MGA: variants seen among roughly 807,000 people sequenced by gnomAD.
MGA encodes MAX dimerization protein MGA.
Under a neutral mutation model 261.1 loss-of-function variants are expected in MGA, and 40 were observed. The observed-to-expected ratio is 0.15, with a 90% confidence interval of 0.12 to 0.20. The LOEUF (loss-of-function observed/expected upper bound fraction) is 0.20. Ranked by LOEUF, MGA falls within the 10% of genes least tolerant of loss-of-function variation. The probability of loss-of-function intolerance (pLI) is 1.00; values close to 1 mark genes in which losing one functional copy is unlikely to be tolerated. For synonymous variants in MGA, 1,302 were observed against 1,290.6 expected (o/e 1.01, Z -0.19); for missense variants, 3,397 against 3,630.5 (o/e 0.94, Z 1.65).
intron 2 of MGA, among the ~76,000 whole-genome samples, chr15:41,693,570 C>A (rs978366207): frequency 2.2e-4 from 33 of 151,978 alleles, no homozygotes; most frequent in African/African-American, 7.5e-4. Flanking sequence ...TATGAAGACA[C>A]TGGGTTAGCA....
chr15:41,737,505 G>C (rs1247507556), intron 13 of MGA, among the ~76,000 whole-genome samples: 1 of 151,976 alleles, frequency 6.6e-6, no homozygotes, highest in East Asian at 1.9e-4. Flanking sequence ...TAAAAATTCA[G>C]CCATATTTAC....
At chr15:41,745,234 T>G (rs1381754576) in intron 15 of MGA, among the ~76,000 whole-genome samples, 1 of 134,796 alleles carries the variant, frequency 7.4e-6, no homozygotes, top group Non-Finnish European at 1.5e-5. Flanking sequence ...TATTGTCCTA[T>G]GACCCTGCCA....
Position 41,669,770 on chromosome 15 carries a change from C to T in MGA, c.876C>T (p.Val292=), listed in dbSNP as rs778035749. The T allele has an allele frequency of 6.2e-7, 1 of 1,613,922 alleles. No homozygotes were observed. The highest frequency in any genetic ancestry group is 1.1e-5 in the South Asian group (1 of 91,076). ...TTTCCAGTTCTTCTGGTCATCGGGT[C>T]CGTCTTACAGAAGGTCAGGGGTCAG... is the stretch of plus-strand genomic sequence containing the variant. The change falls in exon 2 of 24, where the codon GTC becomes GTT. Residue 292 remains valine, a synonymous_variant. Coordinates refer to ENST00000219905, the MANE Select transcript of MGA (RefSeq NM_001164273.2).
chr15:41,678,454 C>G (rs1219806348), intron 2 of MGA, among the ~76,000 whole-genome samples: 1 of 151,148 alleles, frequency 6.6e-6, no homozygotes, highest in Non-Finnish European at 1.5e-5. Context: ...TATCCAGTTT[C>G]CCGTCACCAT....
intron 9 of MGA, chr15:41,718,455 AT>A: frequency 2.2e-6 from 2 of 913,508 alleles, no homozygotes; most frequent in Admixed American, 1.8e-5. Context: ...AATAGCTTTG[AT>A]TTTTCGTACA....
chr15:41,718,499 G>A (rs898686404), intron 9 of MGA: 1 of 611,788 alleles, frequency 1.6e-6, no homozygotes, highest in Non-Finnish European at 3.0e-6. Context: ...GATCAATCTT[G>A]CACTGCTCTG....
At chr15:41,670,346 T>C (rs1383760437) in intron 2 of MGA, among the ~76,000 whole-genome samples, 1 of 152,076 alleles carries the variant, frequency 6.6e-6, no homozygotes, top group Admixed American at 6.6e-5. Flanking sequence ...GAGAATACTA[T>C]GCTAAGTGAA....
intron 1 of MGA, among the ~76,000 whole-genome samples, chr15:41,631,257 T>C (rs1302722410): frequency 6.6e-6 from 1 of 152,236 alleles, no homozygotes; most frequent in African/African-American, 2.4e-5. Context: ...CATTTTCTCT[T>C]ATCCTTTAAC....
intron 5 of MGA, among the ~76,000 whole-genome samples, chr15:41,703,368 A>ACCCCCCCCCCCCCCC (rs71108121): frequency 2.1e-5 from 2 of 93,250 alleles, no homozygotes; most frequent in African/African-American, 4.0e-5. Flanking sequence ...TTGTGAAGTT[A>ACCCCCCCCCCCCCCC]CCCCCCCCCC....
Position 41,766,274 on chromosome 15 carries a change from T to C in MGA, c.8192T>C (p.Val2731Ala). ...AAAGATTCTGGTTATCCACAAATAG[T>C]TGACGTTTCCAATATGCAGAAAGCA... The change falls in exon 24 of 24, where the codon GTT becomes GCT. Residue 2731 changes from valine (V) to alanine (A), a missense_variant. Physicochemically the swap from Val to Ala is moderately conservative, Grantham distance 64. This residue lies in a region of MGA where 647 missense variants were observed against 642.4 expected (regional missense o/e 1.01). Transcript: ENST00000219905. 1.2e-6 allele frequency: 2 copies of C among 1,613,976 alleles called. No individual in the cohort carries two copies. Among genetic ancestry groups the C allele is most frequent in the Non-Finnish European group, 8.5e-7 (1 of 1,179,874 alleles).
intron 9 of MGA, among the ~76,000 whole-genome samples, chr15:41,714,368 T>C (rs1471020251): frequency 6.6e-6 from 1 of 152,252 alleles, no homozygotes; most frequent in Admixed American, 6.5e-5. Context: ...TTTTCTTTAT[T>C]ATAAGCTGTA....
intron 2 of MGA, among the ~76,000 whole-genome samples, chr15:41,695,341 A>G (rs1283579007): frequency 6.6e-6 from 1 of 152,122 alleles, no homozygotes. Flanking sequence ...GGCATGTGCT[A>G]CCACGCTGAG....
chr15:41,761,555 C>T (rs1265179333), intron 20 of MGA, among the ~76,000 whole-genome samples, 184 bp from the exon 21 acceptor site: 1 of 152,130 alleles, frequency 6.6e-6, no homozygotes, highest in Non-Finnish European at 1.5e-5. Flanking sequence ...AAAGTGTAAG[C>T]CAGAAATCCT....
In MGA at chr15:41,767,333, T is replaced by A; in HGVS notation, c.*53T>A. On this transcript the variant is annotated 3_prime_UTR_variant, in exon 24 of 24. Transcript: ENST00000219905. ...GCTGTGAGGGGAAATAGATCTCACC[T>A]CCTTTCTCTGCAGGCATCTGTTTGT... is the stretch of plus-strand genomic sequence containing the variant. The A allele has an allele frequency of 6.6e-7, 1 of 1,515,232 alleles. No homozygotes were observed. The highest frequency in any genetic ancestry group is 8.9e-7 in the Non-Finnish European group (1 of 1,122,868). The allele number at this position is 1,515,232 out of a possible 1,614,324, so 93.9% of individuals were successfully genotyped here. A position where few individuals can be genotyped will look rare whatever the true frequency, so the allele number is the denominator to read the frequency against.
chr15:41,652,132 A>AT lies in MGA; in HGVS notation c.-67-16684dup, dbSNP rs1364144728. On this transcript the variant is annotated intron_variant, in intron 1 of 8. Coordinates refer to the MGA transcript ENST00000566718. ...AGGCGCCTGCCACCTCGCCCGGCTA[A>AT]TTTTTTTTTTTTATTGTATTTTTAG... 3.5e-3 allele frequency among the ~76,000 whole-genome samples: 482 copies of AT among 137,306 alleles called. 3 individuals carry two copies. The highest frequency in any genetic ancestry group is 9.9e-3 in the South Asian group (42 of 4,244). 90.1% of individuals were successfully genotyped at this position (137,306 alleles called of 152,430 possible).
Position 41,754,578 on chromosome 15 carries a change from T to C in MGA, c.7139+11T>C, listed in dbSNP as rs753153706. On this transcript the variant is annotated intron_variant, in intron 18 of 23. Coordinates refer to ENST00000219905, the MANE Select transcript of MGA (RefSeq NM_001164273.2). Reference sequence around the variant, plus strand: ...GTCATTCAAACAGCCGTAAGTCTTATTTCTCTTTGGATTGTTGTTTTTGTA... The same window carrying C: ...GTCATTCAAACAGCCGTAAGTCTTACTTCTCTTTGGATTGTTGTTTTTGTA... The C allele has an allele frequency of 5.2e-5, 81 of 1,556,992 alleles. No homozygotes were observed. Among genetic ancestry groups the C allele is most frequent in the Non-Finnish European group, 6.7e-5 (77 of 1,153,102 alleles).
chr15:41,747,777 T>C (rs2062591285), intron 15 of MGA, among the ~76,000 whole-genome samples: 1 of 152,228 alleles, frequency 6.6e-6, no homozygotes, highest in South Asian at 2.1e-4. Flanking sequence ...ACCATGTTTT[T>C]CTTTAGGCAA....
rs1217355932 is a variant in MGA at position 41,629,140 on chromosome 15, T to C, written c.-68+7842T>C. 2.2e-5 allele frequency among the ~76,000 whole-genome samples: 3 copies of C among 133,942 alleles called. No individual in the cohort carries two copies. In the East Asian group the frequency reaches 6.6e-4, roughly 29 times the overall value. 87.9% of individuals were successfully genotyped at this position (133,942 alleles called of 152,430 possible). ...AAAAAAAAAAAAGAAGCCATTGGAGTGTTGTGAGGTACAGTAGCTTGGACT... is the reference window on the plus strand; with the variant it reads ...AAAAAAAAAAAAGAAGCCATTGGAGCGTTGTGAGGTACAGTAGCTTGGACT... On this transcript the variant is annotated intron_variant, in intron 1 of 8. Coordinates refer to the MGA transcript ENST00000566718.
intron 2 of MGA, among the ~76,000 whole-genome samples, chr15:41,670,392 A>G (rs2057980701): frequency 1.3e-5 from 2 of 152,324 alleles, no homozygotes; most frequent in Admixed American, 1.3e-4. Context: ...ACTGCAAAAT[A>G]TTCATAAAAG....
Sources: gnomAD v4.1 joint callset for allele counts (sites outside exome capture counted in the v4.1 genomes callset) on GRCh38, gnomAD v4.1.1 for gene constraint, gnomAD v4.1.1 regional missense constraint, MANE v1.5 for transcripts, NCBI Gene and HGNC (gene_info 2026-07-23, HGNC 2026-07-21) for gene names.